LRBA: variants seen among roughly 807,000 people sequenced by gnomAD.
The protein encoded by LRBA is LPS responsive beige-like anchor protein.
In LRBA, 176 loss-of-function variants were observed where a neutral mutation model predicts 330.0. The ratio of observed to expected loss-of-function variants is 0.53; its 90% CI spans 0.47 to 0.60. LRBA has a LOEUF of 0.60. Ranked by LOEUF, LRBA falls within the 20% of genes least tolerant of loss-of-function variation. The probability of loss-of-function intolerance (pLI) is 0.00; values close to 1 mark genes in which losing one functional copy is unlikely to be tolerated. For missense variants in LRBA, 3,259 were observed against 3,444.8 expected, an observed-to-expected ratio of 0.95 and a Z score of 1.35; for synonymous variants, 1,230 against 1,193.0, an observed-to-expected ratio of 1.03 and a Z score of -0.64.
chr4:150,754,347 ATTAAT>A (rs1243631739), intron 35 of LRBA, among the ~76,000 whole-genome samples: 1 of 145,542 alleles, frequency 6.9e-6, no homozygotes, highest in Non-Finnish European at 1.5e-5. Flanking sequence ...AATGATAAAC[ATTAAT>A]TTAAATAATC....
chr4:150,362,842 C>T (rs1434072738), intron 47 of LRBA, among the ~76,000 whole-genome samples: 2 of 152,158 alleles, frequency 1.3e-5, no homozygotes, highest in Non-Finnish European at 2.9e-5. Flanking sequence ...TGGCTCATGC[C>T]TGTATTCCCA....
chr4:150,749,152 A>G (rs1016911931), intron 35 of LRBA, among the ~76,000 whole-genome samples: 4 of 152,184 alleles, frequency 2.6e-5, no homozygotes, highest in African/African-American at 7.2e-5. Context: ...AGTTATAACT[A>G]TAAAACTCCT....
chr4:150,521,357 G>A (rs895041522), intron 40 of LRBA, among the ~76,000 whole-genome samples: 8 of 152,182 alleles, frequency 5.3e-5, no homozygotes, highest in Admixed American at 3.3e-4. Flanking sequence ...AAATTTCACA[G>A]TTATAGGTTT....
intron 49 of LRBA, among the ~76,000 whole-genome samples, chr4:150,325,442 T>C (rs1733117729): frequency 1.3e-5 from 2 of 152,132 alleles, no homozygotes; most frequent in Admixed American, 6.5e-5. Context: ...TATATTGGGA[T>C]GTAAAGAATA....
chr4:150,691,946 T>C (rs1784176748), intron 36 of LRBA, among the ~76,000 whole-genome samples: 1 of 152,182 alleles, frequency 6.6e-6, no homozygotes, highest in South Asian at 2.1e-4. Flanking sequence ...TTTGATTCCA[T>C]GTATATAAAA....
chr4:150,555,756 AACACACACACACAC>A (rs34497958), intron 40 of LRBA, among the ~76,000 whole-genome samples: 5 of 144,610 alleles, frequency 3.5e-5, no homozygotes, highest in African/African-American at 5.2e-5. Context: ...GTCTTATAAA[AACACACACACACAC>A]ACACACACAC....
At chr4:150,348,181 G>A (rs555760174) in intron 48 of LRBA, among the ~76,000 whole-genome samples, 15 of 152,220 alleles carry the variant, frequency 9.9e-5, no homozygotes, top group African/African-American at 3.4e-4. Flanking sequence ...TGGGGACAGT[G>A]GTCAATCCAG....
intron 40 of LRBA, among the ~76,000 whole-genome samples, chr4:150,505,644 C>G (rs376293817): frequency 0.016 from 2,485 of 151,880 alleles, 71 homozygotes; most frequent in African/African-American, 0.055. Context: ...ATCTAAAATT[C>G]ACACCCTAAC....
chr4:150,723,407 C>T (rs993488225), intron 36 of LRBA, among the ~76,000 whole-genome samples: 3 of 152,146 alleles, frequency 2.0e-5, no homozygotes, highest in Non-Finnish European at 4.4e-5. Flanking sequence ...CATGAGGCCC[C>T]GTTCCAGGCC....
intron 40 of LRBA, among the ~76,000 whole-genome samples, chr4:150,569,398 C>G (rs1258807128): frequency 6.6e-6 from 1 of 152,092 alleles, no homozygotes; most frequent in African/African-American, 2.4e-5. Flanking sequence ...CTTTCTATTG[C>G]TTTACATTGT....
chr4:150,265,620 T>G lies in LRBA; in HGVS notation c.*102A>C, dbSNP rs574040395. Reference sequence around the variant, plus strand: ...TAATAACTTTAAAAAATATTTTGCTTCTTTGAGCAAATTTAAGTTACATTC... The same window carrying G: ...TAATAACTTTAAAAAATATTTTGCTGCTTTGAGCAAATTTAAGTTACATTC... On this transcript the variant is annotated 3_prime_UTR_variant, in exon 57 of 57. Coordinates refer to ENST00000651943, the MANE Select transcript of LRBA (RefSeq NM_001364905.1). 15 of 777,770 alleles carry G rather than the reference T, an allele frequency of 1.9e-5. No individual in the cohort carries two copies. Among genetic ancestry groups the G allele is most frequent in the East Asian group, 5.1e-5 (2 of 39,560 alleles). The allele number at this position is 777,770 out of a possible 1,614,324, so 48.2% of individuals were successfully genotyped here.
chr4:150,335,806 C>T (rs1734652703), intron 48 of LRBA, among the ~76,000 whole-genome samples: 1 of 152,134 alleles, frequency 6.6e-6, no homozygotes, highest in African/African-American at 2.4e-5. Flanking sequence ...AAGCGATCCT[C>T]CCACCTCAGC....
chr4:151,015,350 G>C (rs1745307635), upstream of LRBA: 1 of 152,590 alleles, frequency 6.6e-6, no homozygotes, highest in African/African-American at 2.4e-5. Context: ...ACCTCTCTCA[G>C]GCACCTGAGA....
intron 30 of LRBA, among the ~76,000 whole-genome samples, chr4:150,819,319 T>C (rs1380940092): frequency 6.6e-6 from 1 of 151,658 alleles, no homozygotes; most frequent in Non-Finnish European, 1.5e-5. Context: ...ACCAATGATA[T>C]CATGATGGGG....
intron 30 of LRBA, among the ~76,000 whole-genome samples, chr4:150,825,195 T>C (rs1448969979): frequency 3.9e-5 from 6 of 152,166 alleles, no homozygotes; most frequent in African/African-American, 1.4e-4. Flanking sequence ...ATGTAAACAA[T>C]GTAAATTTCA....
At chr4:150,706,487 A>G (rs950695716) in intron 36 of LRBA, among the ~76,000 whole-genome samples, 1 of 151,702 alleles carries the variant, frequency 6.6e-6, no homozygotes, top group Non-Finnish European at 1.5e-5. Flanking sequence ...CAATAAAACT[A>G]TAGAAATATT....
chr4:150,542,780 C>A (rs1765448533), intron 40 of LRBA, among the ~76,000 whole-genome samples: 1 of 152,052 alleles, frequency 6.6e-6, no homozygotes, highest in East Asian at 1.9e-4. Context: ...AAAACAAACT[C>A]AATGATTTAA....
rs1004740388 is a variant in LRBA at position 150,311,882 on chromosome 4, C to T, written c.7694-1498G>A. Among the ~76,000 whole-genome samples, 9 of 152,154 alleles carry T rather than the reference C, an allele frequency of 5.9e-5. No homozygotes were observed. The South Asian group carries it at 1.7e-3, about 28-fold the overall frequency. On this transcript the variant is annotated intron_variant, in intron 51 of 56. Transcript: ENST00000651943. ...TGTCCACCAACAGCAATCAAGTATC[C>T]CATTGCAATGAAGTTGTATGATACA...
At chr4:150,892,798 T>C (rs1019280344) in intron 17 of LRBA, among the ~76,000 whole-genome samples, 1 of 152,178 alleles carries the variant, frequency 6.6e-6, no homozygotes, top group Admixed American at 6.5e-5. Flanking sequence ...AGCTCTATAA[T>C]AGCACTCACC....
Sources: allele counts gnomAD v4.1 joint callset (sites outside exome capture counted in the v4.1 genomes callset), GRCh38; gene constraint gnomAD v4.1.1; transcripts MANE v1.5; gene names NCBI Gene and HGNC (gene_info 2026-07-23, HGNC 2026-07-21).